The following FAM149B1 variants were observed in gnomAD, a reference collection of about 807,000 sequenced individuals.
FAM149B1 encodes the protein family with sequence similarity 149 member B1.
Under a neutral mutation model 75.3 loss-of-function variants are expected in FAM149B1, and 56 were observed. The observed-to-expected ratio is 0.74, with a 90% CI of 0.60 to 0.93. The LOEUF (loss-of-function observed/expected upper bound fraction) is 0.93. FAM149B1 is among the 40% of genes least tolerant of loss of function. FAM149B1 has a pLI of 0.00. For missense variants in FAM149B1, 639 were observed against 708.4 expected, an observed-to-expected ratio of 0.90 and a Z score of 1.11; for synonymous variants, 259 against 256.1, an observed-to-expected ratio of 1.01 and a Z score of -0.11.
intron 1 of FAM149B1, among the ~76,000 whole-genome samples, chr10:73,171,053 C>A (rs1166981685): frequency 1.3e-5 from 2 of 151,818 alleles, no homozygotes; most frequent in African/African-American, 4.8e-5. Context: ...GTTGCAACCT[C>A]CACCTCCTAG....
At position 73,208,671 on chromosome 10, in the gene FAM149B1, G is replaced by A. The variant is rs1171436713; in HGVS notation, c.595G>A (p.Ala199Thr). ...TTTTTCATCTTCTTATGCTCATAAA[G>A]CATCTTCCATTGCCAAATCCTCCAG... ...LHFSSSYAHK[A>T]SSIAKSSSFC... The change falls in exon 6 of 14, where the codon GCA becomes ACA. Residue 199 changes from alanine (A) to threonine (T), a missense_variant. By Grantham distance (58) the Ala-to-Thr change is moderately conservative. Transcript: ENST00000242505. 4 of 1,548,386 alleles carry A rather than the reference G, an allele frequency of 2.6e-6. No individual in the cohort carries two copies. Among genetic ancestry groups the A allele is most frequent in the Non-Finnish European group, 3.5e-6 (4 of 1,144,926 alleles).
intron 5 of FAM149B1, among the ~76,000 whole-genome samples, chr10:73,201,645 C>G (rs2042941035): frequency 2.0e-5 from 3 of 152,014 alleles, no homozygotes; most frequent in African/African-American, 7.2e-5. Context: ...AGTAGGAAGG[C>G]CTTTAAAATT....
At chr10:73,226,071 G>GGTAA (rs2043536331) in intron 7 of FAM149B1, among the ~76,000 whole-genome samples, 1 of 151,182 alleles carries the variant, frequency 6.6e-6, no homozygotes, top group Non-Finnish European at 1.5e-5. Flanking sequence ...AGTGTAAAAT[G>GGTAA]GTAAGTCATG....
chr10:73,239,395 G>A lies in FAM149B1; in HGVS notation c.1675+11G>A. On this transcript the variant is annotated intron_variant, in intron 13 of 13. Transcript: ENST00000242505. ...GCAGGGGATCTGCAGGTAAAGGTGG[G>A]GCCATGGCCCTTATTTACTACTGTG... The A allele has an allele frequency of 7.7e-6, 12 of 1,549,694 alleles. No individual in the cohort carries two copies. Among genetic ancestry groups the A allele is most frequent in the Non-Finnish European group, 1.0e-5 (12 of 1,145,300 alleles).
chr10:73,219,425 A>G (rs544096067), intron 7 of FAM149B1, among the ~76,000 whole-genome samples: 1 of 152,298 alleles, frequency 6.6e-6, no homozygotes, highest in South Asian at 2.1e-4. Context: ...TTCACATGGA[A>G]ATGTGAGAGG....
chr10:73,232,118 C>T (rs949181563), intron 9 of FAM149B1, among the ~76,000 whole-genome samples: 1 of 152,076 alleles, frequency 6.6e-6, no homozygotes, highest in Non-Finnish European at 1.5e-5. Flanking sequence ...GAGCAAATGG[C>T]AGAGCTTAGC....
At position 73,243,821 on chromosome 10, in the gene FAM149B1, G is replaced by A. The variant is rs771547794; in HGVS notation, c.*2802G>A. ...GTAGGAATCAGATCATTAAAGATGT[G>A]GCAACAAACTGCCAAGTTTACCTGA... On this transcript the variant is annotated 3_prime_UTR_variant, in exon 14 of 14. Coordinates refer to ENST00000242505, the MANE Select transcript of FAM149B1 (RefSeq NM_173348.2). 1 of 1,595,464 alleles carries A rather than the reference G, an allele frequency of 6.3e-7. No homozygotes were observed. The highest frequency in any genetic ancestry group is 1.1e-5 in the South Asian group (1 of 88,898).
chr10:73,174,288 A>G (rs911652427), intron 1 of FAM149B1, among the ~76,000 whole-genome samples: 4 of 152,208 alleles, frequency 2.6e-5, no homozygotes, highest in African/African-American at 9.6e-5. Flanking sequence ...CCAGCAATGT[A>G]TGAGACATCC....
intron 10 of FAM149B1, chr10:73,234,538 C>G (rs933846545): frequency 5.7e-6 from 2 of 353,052 alleles, no homozygotes; most frequent in Non-Finnish European, 1.0e-5. Flanking sequence ...AAGTGCAATA[C>G]CAGATAGGGA....
At chr10:73,238,781 CTTTA>C (rs1205991095) in intron 12 of FAM149B1, 3 of 152,220 alleles carry the variant, frequency 2.0e-5, no homozygotes, top group African/African-American at 7.2e-5. Flanking sequence ...TCATATATAG[CTTTA>C]TTTGATATTT....
chr10:73,179,628 A>G (rs541776824), intron 3 of FAM149B1, among the ~76,000 whole-genome samples: 7 of 151,274 alleles, frequency 4.6e-5, no homozygotes, highest in African/African-American at 1.2e-4. Context: ...GCCTCAAGCA[A>G]TTCTCCCACC....
intron 9 of FAM149B1, 125 bp from the exon 10 acceptor site, chr10:73,232,814 G>T (rs2043736113): frequency 1.6e-6 from 1 of 629,326 alleles, no homozygotes; most frequent in Non-Finnish European, 2.8e-6. Flanking sequence ...TTATTGAAAG[G>T]TTTTTATTTT....
At chr10:73,211,527 C>T (rs116216212) in intron 7 of FAM149B1, among the ~76,000 whole-genome samples, 107 of 152,190 alleles carry the variant, frequency 7.0e-4, no homozygotes, top group African/African-American at 2.5e-3. Flanking sequence ...AGTCTCTGCC[C>T]CTGATTTCAG....
intron 8 of FAM149B1, 76 bp downstream of exon 8, chr10:73,228,260 T>C (rs940752442): frequency 1.6e-6 from 2 of 1,244,734 alleles, no homozygotes; most frequent in African/African-American, 1.5e-5. Context: ...TTGTTTGCCT[T>C]ACTTGTATGA....
At chr10:73,196,348 G>T (rs960856728) in intron 5 of FAM149B1, among the ~76,000 whole-genome samples, 1 of 151,788 alleles carries the variant, frequency 6.6e-6, no homozygotes, top group Non-Finnish European at 1.5e-5. Flanking sequence ...AAGAGATGGG[G>T]TCTTGCTCTG....
chr10:73,176,710 A>T (rs1257874273), intron 2 of FAM149B1, among the ~76,000 whole-genome samples: 1 of 151,728 alleles, frequency 6.6e-6, no homozygotes, highest in Non-Finnish European at 1.5e-5. Context: ...ATATGGCAAA[A>T]CTCTGTCTCT....
intron 3 of FAM149B1, among the ~76,000 whole-genome samples, chr10:73,187,622 C>T (rs558847363): frequency 6.6e-5 from 10 of 151,502 alleles, no homozygotes; most frequent in South Asian, 2.1e-4. Flanking sequence ...CCAGCTATTC[C>T]GGAGGCTGAG....
intron 5 of FAM149B1, among the ~76,000 whole-genome samples, chr10:73,205,186 T>C (rs933876847): frequency 2.0e-5 from 3 of 151,876 alleles, no homozygotes; most frequent in Non-Finnish European, 2.9e-5. Context: ...CTAAATCTCA[T>C]GTAGAATTAT....
At chr10:73,178,170 C>T (rs1844052794) in intron 3 of FAM149B1, among the ~76,000 whole-genome samples, 195 bp downstream of exon 3, 1 of 152,116 alleles carries the variant, frequency 6.6e-6, no homozygotes, top group Non-Finnish European at 1.5e-5. Flanking sequence ...GTAGTTGAGC[C>T]TTAGACATGC....
Sources: allele counts gnomAD v4.1 joint callset (sites outside exome capture counted in the v4.1 genomes callset), GRCh38; gene constraint gnomAD v4.1.1; transcripts MANE v1.5; gene names NCBI Gene and HGNC (gene_info 2026-07-23, HGNC 2026-07-21).